DOCK1: variants seen among roughly 807,000 people sequenced by gnomAD.
DOCK1 encodes the protein dedicator of cytokinesis 1.
DOCK1 carries 138 observed loss-of-function variants against 262.7 expected under a neutral mutation model. The ratio of observed to expected loss-of-function variants is 0.53; its 90% CI spans 0.46 to 0.61. The LOEUF is 0.61. DOCK1 is among the 20% of genes least tolerant of loss of function. The pLI is 0.00. For missense variants in DOCK1, 1,908 were observed against 2,370.7 expected, an observed-to-expected ratio of 0.80 and a Z score of 4.05; for synonymous variants, 866 against 867.4, an observed-to-expected ratio of 1.00 and a Z score of 0.03.
At chr10:127,223,496 G>C (rs553393724) in intron 27 of DOCK1, among the ~76,000 whole-genome samples, 1 of 152,208 alleles carries the variant, frequency 6.6e-6, no homozygotes, top group Non-Finnish European at 1.5e-5. Flanking sequence ...CAAAATTTTT[G>C]TGTGCTAACA....
chr10:127,415,303 T>A, intron 44 of DOCK1, 65 bp downstream of exon 44: 1 of 1,502,352 alleles, frequency 6.7e-7, no homozygotes, highest in Non-Finnish European at 9.1e-7. Context: ...TGCCACGCCT[T>A]CTTCACCTGC....
At chr10:126,944,048 C>T (rs951603191) in intron 1 of DOCK1, among the ~76,000 whole-genome samples, 242 of 128,790 alleles carry the variant, frequency 1.9e-3, no homozygotes, top group African/African-American at 6.6e-3. Flanking sequence ...GTTTGAAGAA[C>T]GGGAAGGAGA....
chr10:127,227,084 G>A (rs747811222), intron 27 of DOCK1, among the ~76,000 whole-genome samples: 10 of 152,140 alleles, frequency 6.6e-5, no homozygotes, highest in Non-Finnish European at 8.8e-5. Context: ...ATGAGTACAC[G>A]ATCCCAGGAA....
intron 46 of DOCK1, among the ~76,000 whole-genome samples, chr10:127,422,813 CTA>C (rs1313838549): frequency 6.6e-6 from 1 of 152,098 alleles, no homozygotes; most frequent in Non-Finnish European, 1.5e-5. Flanking sequence ...GGCTATAAAA[CTA>C]TTGCTATACA....
intron 27 of DOCK1, among the ~76,000 whole-genome samples, chr10:127,232,979 A>G (rs10829608): frequency 0.27 from 41,237 of 152,118 alleles, 5,903 homozygotes; most frequent in South Asian, 0.41. Flanking sequence ...GTGACTTTCA[A>G]TTTGGCTCTT....
intron 45 of DOCK1, 25 bp downstream of exon 45, chr10:127,418,566 G>T: frequency 6.2e-7 from 1 of 1,603,830 alleles, no homozygotes. Context: ...AGCTTGCTCT[G>T]GGCAAGCAGT....
chr10:127,323,878 C>T (rs764096016), intron 29 of DOCK1, among the ~76,000 whole-genome samples: 1 of 152,246 alleles, frequency 6.6e-6, no homozygotes, highest in African/African-American at 2.4e-5. Context: ...CATTTGGCAT[C>T]TGAGCTGGTG....
chr10:126,935,828 A>G (rs940891709), intron 1 of DOCK1, among the ~76,000 whole-genome samples: 1 of 152,250 alleles, frequency 6.6e-6, no homozygotes, highest in Non-Finnish European at 1.5e-5. Context: ...TCTGCCCTGC[A>G]GGCATCTACT....
intron 11 of DOCK1, among the ~76,000 whole-genome samples, chr10:127,010,353 G>A (rs1227602060): frequency 2.0e-5 from 3 of 152,162 alleles, no homozygotes; most frequent in African/African-American, 7.2e-5. Context: ...TGTAATCCCA[G>A]CTACTTGGGA....
intron 38 of DOCK1, among the ~76,000 whole-genome samples, chr10:127,385,803 C>G (rs2066081239): frequency 6.6e-6 from 1 of 152,178 alleles, no homozygotes; most frequent in African/African-American, 2.4e-5. Flanking sequence ...CATCTGTAAC[C>G]ACATCGCTCC....
intron 23 of DOCK1, among the ~76,000 whole-genome samples, chr10:127,081,342 T>C (rs2046887231): frequency 6.6e-6 from 1 of 151,202 alleles, no homozygotes; most frequent in African/African-American, 2.4e-5. Flanking sequence ...AATTCTTGCC[T>C]ATTAATTTGT....
intron 2 of DOCK1, among the ~76,000 whole-genome samples, chr10:126,974,985 C>T (rs1358754317): frequency 6.6e-6 from 1 of 152,122 alleles, no homozygotes; most frequent in Non-Finnish European, 1.5e-5. Flanking sequence ...TTCATGCCTA[C>T]TGCTTGGCCC....
At chr10:126,922,422 A>G (rs1225387423) in intron 1 of DOCK1, among the ~76,000 whole-genome samples, 1 of 152,088 alleles carries the variant, frequency 6.6e-6, no homozygotes. Flanking sequence ...AGTCTAGACC[A>G]CACACTGGTC....
intron 27 of DOCK1, among the ~76,000 whole-genome samples, chr10:127,213,879 G>A (rs535626137): frequency 6.6e-6 from 1 of 152,144 alleles, no homozygotes; most frequent in South Asian, 2.1e-4. Flanking sequence ...TTGCTCTGTC[G>A]CCCAGGCTGG....
chr10:126,991,097 C>T (rs548731692), intron 6 of DOCK1, among the ~76,000 whole-genome samples: 1 of 152,296 alleles, frequency 6.6e-6, no homozygotes, highest in South Asian at 2.1e-4. Context: ...AATTTCACTG[C>T]AGATAAACAA....
At chr10:127,362,856 T>TACATCACACACACACATAC (rs1565026511) in intron 33 of DOCK1, among the ~76,000 whole-genome samples, 20 of 5,416 alleles carry the variant, frequency 3.7e-3, no homozygotes, top group African/African-American at 0.013. Flanking sequence ...CACACACATG[T>TACATCACACACACACATAC]ACATCCCCAC....
At chr10:127,448,606 T>C (rs934889745) in intron 51 of DOCK1, among the ~76,000 whole-genome samples, 5 of 152,184 alleles carry the variant, frequency 3.3e-5, no homozygotes, top group African/African-American at 4.8e-5. Context: ...CCCCAGGCCA[T>C]GTTATTCACA....
At chr10:127,078,262 A>AT (rs1030678519) in intron 23 of DOCK1, among the ~76,000 whole-genome samples, 7 of 152,036 alleles carry the variant, frequency 4.6e-5, no homozygotes, top group South Asian at 2.1e-4. Context: ...ATCTTATAGA[A>AT]TTTTTTTATT....
Position 127,425,943 on chromosome 10 carries a change from G to A in DOCK1, c.4846G>A (p.Glu1616Lys), listed in dbSNP as rs377304209. 3.8e-5 allele frequency: 62 copies of A among 1,614,046 alleles called. No homozygotes were observed. Among genetic ancestry groups the A allele is most frequent in the Non-Finnish European group, 4.6e-5 (54 of 1,179,904 alleles). The change falls in exon 47 of 52, where the codon GAG (glutamate) becomes AAG (lysine). Residue 1616 changes from glutamate (E) to lysine (K), a missense_variant. This residue lies in a region of DOCK1 where 383 missense variants were observed against 420.1 expected (regional missense o/e 0.91). Coordinates refer to ENST00000623213, the MANE Select transcript of DOCK1 (RefSeq NM_001290223.2). ...CACGGAGGCACTGAGGCCGTTCCAC[G>A]AGAGGATGGAGGCCTGTTTCAAACA... is the stretch of plus-strand genomic sequence containing the variant. ...KVTEALRPFHERMEACFKQLK... is the reference protein window; with the variant it reads ...KVTEALRPFHKRMEACFKQLK...
Sources: allele counts gnomAD v4.1 joint callset (sites outside exome capture counted in the v4.1 genomes callset), GRCh38; gene constraint gnomAD v4.1.1; regional missense constraint gnomAD v4.1.1; transcripts MANE v1.5; gene names NCBI Gene and HGNC (gene_info 2026-07-23, HGNC 2026-07-21).